The following STUB1 variants were observed in gnomAD, a reference collection of about 807,000 sequenced individuals.
STUB1 encodes the protein E3 ubiquitin-protein ligase CHIP.
STUB1 carries 37 observed loss-of-function variants against 40.3 expected under a neutral mutation model. That is an observed-to-expected ratio of 0.92 (90% CI 0.71 to 1.21). The LOEUF (loss-of-function observed/expected upper bound fraction) is 1.21, where lower values mean the gene tolerates loss of function less well. Ranked by LOEUF, STUB1 falls within the 50% of genes most tolerant of loss-of-function variation. The pLI is 0.00. For missense variants in STUB1, 460 were observed against 421.9 expected, an observed-to-expected ratio of 1.09 and a Z score of -0.79; for synonymous variants, 246 against 171.9, an observed-to-expected ratio of 1.43 and a Z score of -3.37.
chr16:681,395 G>A (rs764540881), intron 2 of STUB1, 43 bp from the exon 3 acceptor site: 229 of 1,611,200 alleles, frequency 1.4e-4, no homozygotes, highest in Non-Finnish European at 1.8e-4. Flanking sequence ...GGGGCCAGGC[G>A]GGTGGACTGG....
In STUB1 at chr16:680,427, G is replaced by T; in HGVS notation, c.-99G>T. 1 of 1,083,732 alleles carries T rather than the reference G, an allele frequency of 9.2e-7. No individual in the cohort carries two copies. The highest frequency in any genetic ancestry group is 1.1e-6 in the Non-Finnish European group (1 of 880,992). 67.1% of individuals were successfully genotyped at this position (1,083,732 alleles called of 1,614,324 possible). A position where few individuals can be genotyped will look rare whatever the true frequency, so the allele number is the denominator to read the frequency against. On this transcript the variant is annotated 5_prime_UTR_variant, in exon 1 of 7. Transcript: ENST00000219548. The surrounding 1 kb of genome is among the most constrained non-coding windows in gnomAD (Gnocchi z 4.9). Reference sequence around the variant, plus strand: ...CCGGCGGCGGAGCTGGGCCGGGCCCGAGCGGATCGCGGGCTCGGGCTGCGG... The same window carrying T: ...CCGGCGGCGGAGCTGGGCCGGGCCCTAGCGGATCGCGGGCTCGGGCTGCGG...
rs971989402 is a variant in STUB1, at chr16:680,931, C to T, written c.160-221C>T. 4 of 669,444 alleles carry T rather than the reference C, an allele frequency of 6.0e-6. No individual in the cohort carries two copies. In the African/African-American group the frequency reaches 7.3e-5, roughly 12 times the overall value. 41.5% of individuals were successfully genotyped at this position (669,444 alleles called of 1,614,324 possible). On this transcript the variant is annotated intron_variant, in intron 1 of 6. Coordinates refer to ENST00000219548, the MANE Select transcript of STUB1 (RefSeq NM_005861.4). This position sits in a 1 kb window ranked among gnomAD's most constrained non-coding sequence, Gnocchi z 4.9. ...GAGGACCCCAGGTCCTAAGCCCGGA[C>T]TCTCCAAAGATTTGGAAAACTTTAC... is the stretch of plus-strand genomic sequence containing the variant.
chr16:680,813 G>A lies in STUB1; in HGVS notation c.159+129G>A, dbSNP rs982204399. 2 of 972,300 alleles carry A rather than the reference G, an allele frequency of 2.1e-6. No individual in the cohort carries two copies. The highest frequency in any genetic ancestry group is 2.6e-6 in the Non-Finnish European group (2 of 756,286). 60.2% of individuals were successfully genotyped at this position (972,300 alleles called of 1,614,324 possible). On this transcript the variant is annotated intron_variant, in intron 1 of 6. Coordinates refer to ENST00000219548, the MANE Select transcript of STUB1 (RefSeq NM_005861.4). This position sits in a 1 kb window ranked among gnomAD's most constrained non-coding sequence, Gnocchi z 4.9. ...CCTCGGCTCCCAAAGCCCAGCCGTG[G>A]TTCTCGAGCCCAGCGCCGGGTGCCG...
rs2039703333 is a variant in STUB1 at position 682,368 on chromosome 16, T to C, written c.791T>C (p.Val264Ala). The C allele has an allele frequency of 6.2e-7, 1 of 1,613,088 alleles. No individual in the cohort carries two copies. The highest frequency in any genetic ancestry group is 8.5e-7 in the Non-Finnish European group (1 of 1,180,002). ...CTGCCCTTCTTGTCACTGCAGCGTGTGGGTCATTTTGACCCCGTGACCCGG... is the reference window on the plus strand; with the variant it reads ...CTGCCCTTCTTGTCACTGCAGCGTGCGGGTCATTTTGACCCCGTGACCCGG... Reference protein sequence around the residue: ...RKDIEEHLQRVGHFDPVTRSP... With the variant: ...RKDIEEHLQRAGHFDPVTRSP... Residue 264 changes from valine to alanine, a missense_variant, in exon 7 of 7, where the codon GTG becomes GCG. Val to Ala is a moderately conservative substitution (Grantham distance 64, BLOSUM62 0). Coordinates refer to ENST00000219548, the MANE Select transcript of STUB1 (RefSeq NM_005861.4).
intron 4 of STUB1, 66 bp downstream of exon 4, chr16:681,946 TTG>T (rs775658199): frequency 1.2e-6 from 2 of 1,612,168 alleles, no homozygotes; most frequent in South Asian, 2.2e-5. Flanking sequence ...CATCCCCGCC[TTG>T]TGTTGGGTCT....
Position 681,781 on chromosome 16 carries a change from G to C in STUB1, c.525-12G>C. On this transcript the variant is annotated splice_polypyrimidine_tract_variant and intron_variant, in intron 3 of 6. Transcript: ENST00000219548. ...CAGGTCCATCTCTGACCGGCTCCTG[G>C]TCAACCCCCAGGGAGCTGGAAGAGT... The C allele has an allele frequency of 4.4e-6, 7 of 1,586,910 alleles. No homozygotes were observed. Among genetic ancestry groups the C allele is most frequent in the Non-Finnish European group, 6.0e-6 (7 of 1,162,288 alleles).
chr16:682,307 G>A (rs745747657), intron 6 of STUB1, 26 bp downstream of exon 6: 3 of 1,612,500 alleles, frequency 1.9e-6, no homozygotes, highest in Admixed American at 3.3e-5. Context: ...GGGGGAGCAG[G>A]GCCAGTGGCA....
chr16:681,093 G>A (rs1060434), intron 1 of STUB1, 59 bp from the exon 2 acceptor site: 9 of 1,496,180 alleles, frequency 6.0e-6, no homozygotes, highest in Non-Finnish European at 8.1e-6. Context: ...CGGGCCGTGG[G>A]TCAGAGTGGG....
chr16:682,660 C>G lies in STUB1; in HGVS notation c.*171C>G. The G allele has an allele frequency of 2.1e-6, 3 of 1,407,394 alleles. No individual in the cohort carries two copies. Among genetic ancestry groups the G allele is most frequent in the Non-Finnish European group, 2.9e-6 (3 of 1,027,380 alleles). The allele number at this position is 1,407,394 out of a possible 1,614,324, so 87.2% of individuals were successfully genotyped here. On this transcript the variant is annotated 3_prime_UTR_variant, in exon 7 of 7. Transcript: ENST00000219548. ...CGCTTTTGCTGGGCCGTGATCGTCC[C>G]CCTTTGTGGGCTGGAAAAGCAGGTG...
Position 681,786 on chromosome 16 carries a change from C to T in STUB1, c.525-7C>T, listed in dbSNP as rs2151505135. 4 of 1,590,840 alleles carry T rather than the reference C, an allele frequency of 2.5e-6. No homozygotes were observed. The highest frequency in any genetic ancestry group is 3.4e-6 in the Non-Finnish European group (4 of 1,164,816). ...CCATCTCTGACCGGCTCCTGGTCAA[C>T]CCCCAGGGAGCTGGAAGAGTGCCAG... On this transcript the variant is annotated splice_polypyrimidine_tract_variant and splice_region_variant and intron_variant, in intron 3 of 6. Coordinates refer to ENST00000219548, the MANE Select transcript of STUB1 (RefSeq NM_005861.4).
At position 682,401 on chromosome 16, in the gene STUB1, T is replaced by C; in HGVS notation, c.824T>C (p.Leu275Pro). The stretch of plus-strand genomic sequence containing the variant: ...TTTGACCCCGTGACCCGGAGCCCCC[T>C]GACCCAGGAACAGCTCATCCCCAAC... Reference protein sequence around the residue: ...GHFDPVTRSPLTQEQLIPNLA... With the variant: ...GHFDPVTRSPPTQEQLIPNLA... Residue 275 changes from leucine to proline, a missense_variant, in exon 7 of 7, where the codon CTG becomes CCG. Transcript: ENST00000219548. The C allele has an allele frequency of 6.2e-7, 1 of 1,613,334 alleles. No homozygotes were observed. The highest frequency in any genetic ancestry group is 8.5e-7 in the Non-Finnish European group (1 of 1,179,986).
In STUB1 at chr16:682,151, C is replaced by T. The variant is rs1359257061; in HGVS notation, c.670-14C>T. On this transcript the variant is annotated splice_polypyrimidine_tract_variant and intron_variant, in intron 5 of 6. Coordinates refer to ENST00000219548, the MANE Select transcript of STUB1 (RefSeq NM_005861.4). ...CCCCTTTTCAGCCTCTGACCGTGTG[C>T]CCCTGTGCCACAGAAGCGAGACATC... is the stretch of plus-strand genomic sequence containing the variant. 5.0e-6 allele frequency: 8 copies of T among 1,599,856 alleles called. No homozygotes were observed. Among genetic ancestry groups the T allele is most frequent in the African/African-American group, 1.3e-5 (1 of 74,716 alleles).
rs768408666 is a variant in STUB1, at chr16:681,778, C to T, written c.525-15C>T. On this transcript the variant is annotated splice_polypyrimidine_tract_variant and intron_variant, in intron 3 of 6. Transcript: ENST00000219548. The stretch of plus-strand genomic sequence containing the variant: ...GGCCAGGTCCATCTCTGACCGGCTC[C>T]TGGTCAACCCCCAGGGAGCTGGAAG... The T allele has an allele frequency of 1.3e-6, 2 of 1,584,690 alleles. No individual in the cohort carries two copies. The highest frequency in any genetic ancestry group is 1.1e-5 in the South Asian group (1 of 88,248).
rs1414321477 is a variant in STUB1, at chr16:681,443, A to T, written c.364A>T (p.Ser122Cys). The T allele has an allele frequency of 6.2e-7, 1 of 1,611,668 alleles. No homozygotes were observed. The highest frequency in any genetic ancestry group is 2.2e-5 in the East Asian group (1 of 44,852). ...GTGAAGCCCCCGTTCCCCAGCTTAC[A>T]GCCTGGCCAAGGAGCAGCGGCTGAA... ...EAIANLQRAY[S>C]LAKEQRLNFG... The change falls in exon 3 of 7, where the codon AGC becomes TGC. Residue 122 changes from serine (S) to cysteine (C), a missense_variant. By Grantham distance (112) the Ser-to-Cys change is moderately radical (BLOSUM62 -1). Coordinates refer to ENST00000219548, the MANE Select transcript of STUB1 (RefSeq NM_005861.4).
Position 682,300 on chromosome 16 carries a change from G to A in STUB1, c.786+19G>A, listed in dbSNP as rs758072912. 1.2e-6 allele frequency: 2 copies of A among 1,612,662 alleles called. No homozygotes were observed. Among genetic ancestry groups the A allele is most frequent in the East Asian group, 4.5e-5 (2 of 44,878 alleles). ...CCTGCAGGTGAGGCCTGCGGCTGGG[G>A]GAGCAGGGCCAGTGGCATGGTCCTG... On this transcript the variant is annotated intron_variant, in intron 6 of 6. Transcript: ENST00000219548.
rs866673602 is a variant in STUB1, at chr16:680,644, G to A, written c.119G>A (p.Arg40Gln). The A allele has an allele frequency of 7.5e-7, 1 of 1,339,804 alleles. No individual in the cohort carries two copies. The highest frequency in any genetic ancestry group is 9.7e-7 in the Non-Finnish European group (1 of 1,035,370). 83.0% of individuals were successfully genotyped at this position (1,339,804 alleles called of 1,614,324 possible). A position where few individuals can be genotyped will look rare whatever the true frequency, so the allele number is the denominator to read the frequency against. The part of the protein sequence containing the change: ...KEQGNRLFVG[R>Q]KYPEAAACYG... ...CAGGGCAATCGTCTGTTCGTGGGCC[G>A]AAAGTACCCGGAGGCGGCGGCCTGC... The change falls in exon 1 of 7, where the codon CGA becomes CAA. Residue 40 changes from arginine to glutamine, a missense_variant. Coordinates refer to ENST00000219548, the MANE Select transcript of STUB1 (RefSeq NM_005861.4). The surrounding 1 kb of genome is among the most constrained non-coding windows in gnomAD (Gnocchi z 4.9).
intron 1 of STUB1, 35 bp from the exon 2 acceptor site, chr16:681,117 C>G (rs376566847): frequency 5.2e-5 from 80 of 1,534,898 alleles, no homozygotes; most frequent in South Asian, 4.6e-4. Flanking sequence ...GCTGAGCCTA[C>G]GCCCTCATGC....
chr16:682,061 G>A lies in STUB1; in HGVS notation c.654G>A (p.Val218=), dbSNP rs1387331325. The A allele has an allele frequency of 6.3e-7, 1 of 1,584,178 alleles. No homozygotes were observed. The highest frequency in any genetic ancestry group is 8.6e-7 in the Non-Finnish European group (1 of 1,159,434). ...MADMDELFSQ[V]DEKRKKRDIP... ...ACATGGACGAGCTTTTTTCTCAGGT[G>A]GATGAGAAGAGGAAGGTGAGTGTGT... Residue 218 remains valine (V), a synonymous_variant, in exon 5 of 7, where the codon GTG becomes GTA. Transcript: ENST00000219548.
At chr16:681,984 G>C (rs1183351776) in intron 4 of STUB1, 36 bp from the exon 5 acceptor site, 2 of 1,612,672 alleles carry the variant, frequency 1.2e-6, no homozygotes, top group Non-Finnish European at 1.7e-6. Context: ...GGGAGGTGGG[G>C]TGTCTCCCCC....
Sources: allele counts gnomAD v4.1 joint callset, GRCh38; gene constraint gnomAD v4.1.1; non-coding constraint Gnocchi (gnomAD v3.1); transcripts MANE v1.5; gene names NCBI Gene and HGNC (gene_info 2026-07-23, HGNC 2026-07-21).